The following CEP112 variants were observed in gnomAD, a reference collection of about 807,000 sequenced individuals.
CEP112 encodes the protein centrosomal protein 112, also known as centrosomal protein of 112 kDa.
In CEP112, 127 loss-of-function variants were observed where a neutral mutation model predicts 153.0. The ratio of observed to expected loss-of-function variants is 0.83; its 90% CI spans 0.72 to 0.96. The LOEUF is 0.96. CEP112 is among the 40% of genes least tolerant of loss of function. The probability of loss-of-function intolerance (pLI) is 0.00; values close to 1 mark genes in which losing one functional copy is unlikely to be tolerated. For synonymous variants in CEP112, 358 were observed against 374.4 expected (o/e 0.96, Z 0.51); for missense variants, 1,089 against 1,101.2 (o/e 0.99, Z 0.16).
At chr17:65,640,162 T>A (rs1223683989) in intron 25 of CEP112, among the ~76,000 whole-genome samples, 5 of 130,824 alleles carry the variant, frequency 3.8e-5, no homozygotes, top group African/African-American at 1.7e-4. Context: ...ATATTTTTTT[T>A]TTTTTTTTTT....
intron 4 of CEP112, among the ~76,000 whole-genome samples, chr17:66,157,813 G>A (rs950782973): frequency 2.6e-4 from 39 of 151,942 alleles, no homozygotes; most frequent in Admixed American, 2.5e-3. Flanking sequence ...AATAGTAAAG[G>A]GATCAATGCA....
At chr17:65,882,434 C>T (rs1463843341) in intron 20 of CEP112, among the ~76,000 whole-genome samples, 6 of 152,098 alleles carry the variant, frequency 3.9e-5, no homozygotes, top group Admixed American at 1.3e-4. Flanking sequence ...GAATGGTTCT[C>T]GGAAATCATT....
At chr17:66,056,235 A>G (rs1714710835) in intron 11 of CEP112, among the ~76,000 whole-genome samples, 2 of 152,194 alleles carry the variant, frequency 1.3e-5, no homozygotes, top group African/African-American at 4.8e-5. Context: ...CTCATGCCAG[A>G]GGAGACCCAG....
chr17:65,865,769 C>T lies in CEP112; in HGVS notation c.2164-13735G>A, dbSNP rs73344875. The stretch of plus-strand genomic sequence containing the variant: ...ATGCAGAGAGAAGGTGTGCAGTGTG[C>T]AGAACCCACTCCTGGGAGGCCCCTG... On this transcript the variant is annotated intron_variant, in intron 20 of 26. Transcript: ENST00000535342. Among the ~76,000 whole-genome samples the T allele has an allele frequency of 7.1e-3, 1,075 of 152,336 alleles. 13 individuals carry two copies. Among genetic ancestry groups the T allele is most frequent in the African/African-American group, 0.024 (1,015 of 41,580 alleles).
At chr17:65,764,500 T>C (rs570231264) in intron 21 of CEP112, among the ~76,000 whole-genome samples, 225 of 152,376 alleles carry the variant, frequency 1.5e-3, no homozygotes, top group Non-Finnish European at 2.4e-3. Context: ...TCTTGATGAA[T>C]GTCCTCTTTA....
At chr17:65,651,188 G>T (rs755465512) in intron 24 of CEP112, among the ~76,000 whole-genome samples, 12 of 152,174 alleles carry the variant, frequency 7.9e-5, no homozygotes, top group Non-Finnish European at 1.5e-4. Context: ...AACATATGGT[G>T]TTTAGTTTTC....
At chr17:66,024,571 TA>T (rs34601221) in intron 16 of CEP112, among the ~76,000 whole-genome samples, 5 of 151,254 alleles carry the variant, frequency 3.3e-5, no homozygotes, top group African/African-American at 9.7e-5. Flanking sequence ...ACAATAGTTA[TA>T]AAAAAAACCT....
intron 12 of CEP112, among the ~76,000 whole-genome samples, chr17:66,030,948 C>T (rs1217322493): frequency 6.6e-6 from 1 of 152,118 alleles, no homozygotes; most frequent in Non-Finnish European, 1.5e-5. Context: ...CTTTCTTCAT[C>T]TCATCCTTTC....
At chr17:65,645,841 C>T (rs1200369257) in intron 24 of CEP112, among the ~76,000 whole-genome samples, 2 of 152,144 alleles carry the variant, frequency 1.3e-5, no homozygotes, top group African/African-American at 2.4e-5. Flanking sequence ...AAAATTACAC[C>T]TCCTTTTTGA....
At chr17:66,072,874 C>T (rs1413177564) in intron 8 of CEP112, among the ~76,000 whole-genome samples, 3 of 152,042 alleles carry the variant, frequency 2.0e-5, no homozygotes, top group African/African-American at 7.2e-5. Context: ...CCTGATGAAA[C>T]ATCAGGATTA....
At chr17:65,719,258 AAGGGCACAAG>A (rs2049729212) in intron 23 of CEP112, among the ~76,000 whole-genome samples, 1 of 152,176 alleles carries the variant, frequency 6.6e-6, no homozygotes, top group Admixed American at 6.5e-5. Flanking sequence ...AGGAGAACCA[AAGGGCACAAG>A]AGGTGAATAA....
intron 17 of CEP112, among the ~76,000 whole-genome samples, chr17:65,976,454 G>GAA (rs34249154): frequency 1.0e-3 from 152 of 151,982 alleles, no homozygotes; most frequent in Non-Finnish European, 1.6e-3. Flanking sequence ...TATAACTACA[G>GAA]AAAAAACCTG....
In CEP112 at chr17:65,913,623, C is replaced by T; in HGVS notation, c.1981-11289G>A. 6.1e-6 allele frequency: 6 copies of T among 985,382 alleles called. No individual in the cohort carries two copies. In the South Asian group the frequency reaches 2.3e-4, roughly 39 times the overall value. The allele number at this position is 985,382 out of a possible 1,614,324, so 61.0% of individuals were successfully genotyped here. A position where few individuals can be genotyped will look rare whatever the true frequency, so the allele number is the denominator to read the frequency against. On this transcript the variant is annotated intron_variant, in intron 19 of 26. Transcript: ENST00000535342. ...AGTTCAGTTTACGCATGGAAGTTCTCCTTATTTAAAAGTTTAATGTTGCTG... is the reference window on the plus strand; with the variant it reads ...AGTTCAGTTTACGCATGGAAGTTCTTCTTATTTAAAAGTTTAATGTTGCTG...
chr17:66,174,517 A>C (rs1171968631), intron 4 of CEP112, among the ~76,000 whole-genome samples: 1 of 152,236 alleles, frequency 6.6e-6, no homozygotes, highest in Non-Finnish European at 1.5e-5. Flanking sequence ...CAGAAAAGTA[A>C]AAATTTGATA....
At chr17:66,186,647 G>T (rs563271978) in intron 1 of CEP112, among the ~76,000 whole-genome samples, 1 of 152,168 alleles carries the variant, frequency 6.6e-6, no homozygotes, top group Non-Finnish European at 1.5e-5. Flanking sequence ...TTTCTACTTG[G>T]CAAGGCTGCA....
chr17:65,906,270 G>GC, intron 19 of CEP112, among the ~76,000 whole-genome samples: 1 of 151,846 alleles, frequency 6.6e-6, no homozygotes, highest in South Asian at 2.1e-4. Context: ...CCTGTCGGGG[G>GC]GGTAGGGGAC....
At chr17:66,014,594 G>A (rs1426484448) in intron 16 of CEP112, among the ~76,000 whole-genome samples, 1 of 152,124 alleles carries the variant, frequency 6.6e-6, no homozygotes, top group African/African-American at 2.4e-5. Context: ...AACTCTCTCT[G>A]CCAGCTCAAG....
intron 18 of CEP112, among the ~76,000 whole-genome samples, chr17:65,944,941 A>G (rs1378054697): frequency 1.3e-5 from 2 of 152,204 alleles, no homozygotes; most frequent in African/African-American, 4.8e-5. Context: ...ATTCTAAAAA[A>G]CATTTTATTG....
At chr17:65,860,916 A>C (rs376204191) in intron 20 of CEP112, among the ~76,000 whole-genome samples, 5 of 152,246 alleles carry the variant, frequency 3.3e-5, no homozygotes, top group African/African-American at 1.2e-4. Flanking sequence ...GTGGAATATT[A>C]TTCAGCAATA....
Sources: allele counts gnomAD v4.1 joint callset (sites outside exome capture counted in the v4.1 genomes callset), GRCh38; gene constraint gnomAD v4.1.1; transcripts MANE v1.5; gene names NCBI Gene and HGNC (gene_info 2026-07-23, HGNC 2026-07-21).